Variants in C1orf87 observed in about 807,000 individuals in gnomAD.
C1orf87 encodes uncharacterized protein C1orf87.
Under a neutral mutation model 60.5 loss-of-function variants are expected in C1orf87, and 58 were observed. The ratio of observed to expected loss-of-function variants is 0.96; its 90% confidence interval spans 0.78 to 1.19. C1orf87 has a LOEUF of 1.19. Ranked by LOEUF, C1orf87 falls within the 50% of genes most tolerant of loss-of-function variation. The pLI, the probability that C1orf87 is intolerant of heterozygous loss-of-function variation, is 0.00. For missense variants in C1orf87, 673 were observed against 638.6 expected, an observed-to-expected ratio of 1.05 and a Z score of -0.58; for synonymous variants, 236 against 227.4, an observed-to-expected ratio of 1.04 and a Z score of -0.34.
At chr1:60,060,653 T>C (rs578180235) in intron 2 of C1orf87, among the ~76,000 whole-genome samples, 1 of 152,310 alleles carries the variant, frequency 6.6e-6, no homozygotes, top group South Asian at 2.1e-4. Context: ...CCTTGTTATT[T>C]ACCAATCACA....
Position 59,994,489 on chromosome 1 carries a change from C to T in C1orf87, c.1480+3120G>A, listed in dbSNP as rs533245213. 1.5e-4 allele frequency among the ~76,000 whole-genome samples: 23 copies of T among 152,240 alleles called. No homozygotes were observed. In the South Asian group the frequency reaches 4.4e-3, roughly 29 times the overall value. On this transcript the variant is annotated intron_variant, in intron 11 of 11. Transcript: ENST00000371201. ...TTAGTGATGTAGTATATGTAAAGTC[C>T]GGGCTCATGCAGAGGAATTTCTTTC... is the stretch of plus-strand genomic sequence containing the variant.
At position 60,055,331 on chromosome 1, in the gene C1orf87, G is replaced by T; in HGVS notation, c.215C>A (p.Thr72Asn). 1.2e-6 allele frequency: 2 copies of T among 1,614,070 alleles called. No homozygotes were observed. The highest frequency in any genetic ancestry group is 8.5e-7 in the Non-Finnish European group (1 of 1,179,956). Residue 72 changes from threonine to asparagine, a missense_variant, in exon 3 of 12, where the codon ACT (threonine) becomes AAT (asparagine). Coordinates refer to ENST00000371201, the MANE Select transcript of C1orf87 (RefSeq NM_152377.3). ...TGGATTATCAGTGGTTTGCTGATCA[G>T]TGAAGTTAATGGGAACTGGGGTGTC... ...SRDTPVPINF[T>N]DQQTTDNPDD...
chr1:60,026,731 C>T (rs1645200666), intron 7 of C1orf87, among the ~76,000 whole-genome samples: 1 of 152,108 alleles, frequency 6.6e-6, no homozygotes, highest in Non-Finnish European at 1.5e-5. Context: ...CTAAAATTAG[C>T]TATTTAGTCC....
intron 9 of C1orf87, 67 bp from the exon 10 acceptor site, chr1:60,001,223 AC>A: frequency 9.2e-7 from 1 of 1,090,966 alleles, no homozygotes; most frequent in East Asian, 2.8e-5. Flanking sequence ...ACACACATAT[AC>A]ACAAGGCAAC....
At chr1:60,042,318 T>C (rs1198753312) in intron 3 of C1orf87, among the ~76,000 whole-genome samples, 1 of 152,164 alleles carries the variant, frequency 6.6e-6, no homozygotes, top group Non-Finnish European at 1.5e-5. Flanking sequence ...CACTGCAACC[T>C]CTGCCTCCCG....
chr1:60,003,069 C>A (rs1309903111), intron 9 of C1orf87, among the ~76,000 whole-genome samples: 2 of 149,394 alleles, frequency 1.3e-5, no homozygotes, highest in African/African-American at 2.5e-5. Context: ...TTGGAACCAA[C>A]CCAAATGTCC....
At position 60,040,833 on chromosome 1, in the gene C1orf87, T is replaced by C. The variant is rs184312257; in HGVS notation, c.483+158A>G. Among the ~76,000 whole-genome samples, 38 of 150,952 alleles carry C rather than the reference T, an allele frequency of 2.5e-4. No homozygotes were observed. The East Asian group carries it at 6.8e-3, about 27-fold the overall frequency. The stretch of plus-strand genomic sequence containing the variant: ...GTCTCAAACTTCTGGCTTCAAGTGA[T>C]CCTCCCAGCTTGGCTTCTCAAAGTG... On this transcript the variant is annotated intron_variant, in intron 4 of 11. Coordinates refer to ENST00000371201, the MANE Select transcript of C1orf87 (RefSeq NM_152377.3).
At chr1:60,047,011 C>T (rs1390379246) in intron 3 of C1orf87, among the ~76,000 whole-genome samples, 1 of 152,150 alleles carries the variant, frequency 6.6e-6, no homozygotes, top group Non-Finnish European at 1.5e-5. Context: ...TATCTAATTG[C>T]CTTTTTTTGG....
At chr1:60,063,725 T>A (rs560888370) in intron 2 of C1orf87, among the ~76,000 whole-genome samples, 2 of 152,166 alleles carry the variant, frequency 1.3e-5, no homozygotes, top group Non-Finnish European at 2.9e-5. Flanking sequence ...GTCACTAGGA[T>A]GGAGGCGAGT....
intron 10 of C1orf87, among the ~76,000 whole-genome samples, chr1:59,999,386 C>G (rs1379570216): frequency 6.6e-6 from 1 of 152,072 alleles, no homozygotes; most frequent in African/African-American, 2.4e-5. Context: ...TTTTTTAGAG[C>G]ATTGGACTAC....
intron 2 of C1orf87, among the ~76,000 whole-genome samples, 179 bp downstream of exon 2, chr1:60,072,358 A>G (rs188762936): frequency 1.3e-5 from 2 of 152,318 alleles, no homozygotes; most frequent in East Asian, 3.9e-4. Flanking sequence ...AAAGATGAAA[A>G]ATATCAGGAA....
chr1:60,023,586 A>T (rs1036734055), intron 8 of C1orf87, among the ~76,000 whole-genome samples: 38 of 152,196 alleles, frequency 2.5e-4, no homozygotes, highest in Non-Finnish European at 3.2e-4. Context: ...GAATTTTCAT[A>T]TACTTCATAC....
chr1:60,016,666 T>C (rs2100264822), intron 8 of C1orf87, among the ~76,000 whole-genome samples: 1 of 152,324 alleles, frequency 6.6e-6, no homozygotes, highest in Admixed American at 6.5e-5. Context: ...GGACTCATGC[T>C]GGGTTTCTCC....
chr1:60,041,026 C>G lies in C1orf87; in HGVS notation c.448G>C (p.Glu150Gln), dbSNP rs182273946. 6.2e-7 allele frequency: 1 copy of G among 1,613,194 alleles called. No individual in the cohort carries two copies. Among genetic ancestry groups the G allele is most frequent in the African/African-American group, 1.3e-5 (1 of 74,880 alleles). The change falls in exon 4 of 12, where the codon GAA becomes CAA. Residue 150 changes from glutamate to glutamine, a missense_variant. Coordinates refer to ENST00000371201, the MANE Select transcript of C1orf87 (RefSeq NM_152377.3). ...TCAGAGCTGCCTCTCACCATCTGTT[C>G]CAAGGACCAGTCTCTAAGCTTTCTC... ...PRRKLRDWSL[E>Q]QMVRGSSDQP...
chr1:60,028,892 T>C (rs1645217641), intron 7 of C1orf87, among the ~76,000 whole-genome samples: 2 of 152,176 alleles, frequency 1.3e-5, no homozygotes, highest in Non-Finnish European at 2.9e-5. Flanking sequence ...ATTTCCTTTC[T>C]TGGCTTCTCT....
chr1:60,006,014 G>A (rs1180777591), intron 9 of C1orf87, among the ~76,000 whole-genome samples: 1 of 151,862 alleles, frequency 6.6e-6, no homozygotes, highest in Non-Finnish European at 1.5e-5. Context: ...GTTCAATGAT[G>A]GCCATAAAAC....
intron 2 of C1orf87, among the ~76,000 whole-genome samples, chr1:60,064,290 T>A (rs181585088): frequency 3.1e-5 from 4 of 129,146 alleles, no homozygotes; most frequent in Middle Eastern, 3.8e-3. Context: ...TTATATATTA[T>A]ATATATATTT....
In C1orf87 at chr1:60,062,289, A is replaced by T. The variant is rs555377743; in HGVS notation, c.108-6851T>A. On this transcript the variant is annotated intron_variant, in intron 2 of 11. Coordinates refer to ENST00000371201, the MANE Select transcript of C1orf87 (RefSeq NM_152377.3). Reference sequence around the variant, plus strand: ...AAAGCCATCCTTGTTTGAGTGTATAATCTGTTTCCTATTGGGACCCAGACA... The same window carrying T: ...AAAGCCATCCTTGTTTGAGTGTATATTCTGTTTCCTATTGGGACCCAGACA... 1.2e-4 allele frequency among the ~76,000 whole-genome samples: 18 copies of T among 152,226 alleles called. No homozygotes were observed. The East Asian group carries it at 3.5e-3, about 29-fold the overall frequency.
chr1:60,065,219 C>G (rs905706356), intron 2 of C1orf87, among the ~76,000 whole-genome samples: 2 of 150,638 alleles, frequency 1.3e-5, no homozygotes, highest in African/African-American at 4.9e-5. Context: ...ATGAGAATGT[C>G]AGATGCCCAA....
Sources: allele counts gnomAD v4.1 joint callset (sites outside exome capture counted in the v4.1 genomes callset), GRCh38; gene constraint gnomAD v4.1.1; transcripts MANE v1.5; gene names NCBI Gene and HGNC (gene_info 2026-07-23, HGNC 2026-07-21).